The following RBFOX1 variants were observed in gnomAD, a reference collection of about 807,000 sequenced individuals.
RBFOX1 encodes the protein RNA binding protein fox-1 homolog 1.
In RBFOX1, 8 loss-of-function variants were observed where a neutral mutation model predicts 57.7. The ratio of observed to expected loss-of-function variants is 0.14; its 90% CI spans 0.08 to 0.25. The LOEUF is 0.25. Ranked by LOEUF, RBFOX1 falls within the 10% of genes least tolerant of loss-of-function variation. The pLI, the probability that RBFOX1 is intolerant of heterozygous loss-of-function variation, is 1.00. For missense variants in RBFOX1, 611 were observed against 548.5 expected (o/e 1.11, Z -1.14); for synonymous variants, 326 against 222.4 (o/e 1.47, Z -4.15).
chr16:6,844,084 C>G (rs375737685), intron 3 of RBFOX1, among the ~76,000 whole-genome samples: 7 of 152,046 alleles, frequency 4.6e-5, no homozygotes, highest in African/African-American at 1.7e-4. Flanking sequence ...CCCCCAAATC[C>G]CTCTCTGTCT....
intron 4 of RBFOX1, among the ~76,000 whole-genome samples, chr16:5,994,012 G>T (rs1423610271): frequency 6.6e-6 from 1 of 152,168 alleles, no homozygotes; most frequent in East Asian, 1.9e-4. Context: ...ATGACTTGAG[G>T]AGTCCTTTCC....
chr16:5,678,095 C>T (rs1015721458), intron 3 of RBFOX1, among the ~76,000 whole-genome samples: 2 of 152,150 alleles, frequency 1.3e-5, no homozygotes, highest in South Asian at 2.1e-4. Flanking sequence ...ATTAAAAATA[C>T]CAGATACTCA....
At chr16:6,199,761 A>C (rs1022485340) in intron 1 of RBFOX1, among the ~76,000 whole-genome samples, 2 of 152,198 alleles carry the variant, frequency 1.3e-5, no homozygotes, top group Non-Finnish European at 1.5e-5. Context: ...CTTTATAGAC[A>C]GGGGCTCACA....
chr16:5,622,738 G>C (rs1024637454), intron 3 of RBFOX1, among the ~76,000 whole-genome samples: 1 of 152,206 alleles, frequency 6.6e-6, no homozygotes. Flanking sequence ...AAGGGAGACT[G>C]TGTGGCCCTC....
chr16:6,235,849 C>G (rs921533240), intron 1 of RBFOX1, among the ~76,000 whole-genome samples: 1 of 151,904 alleles, frequency 6.6e-6, no homozygotes, highest in African/African-American at 2.4e-5. Context: ...ACTCTGGGGA[C>G]TCAGGAGGAA....
At chr16:5,257,249 T>G (rs941845864) in intron 1 of RBFOX1, among the ~76,000 whole-genome samples, 1 of 152,196 alleles carries the variant, frequency 6.6e-6, no homozygotes, top group Non-Finnish European at 1.5e-5. Flanking sequence ...ACGTGAGTGA[T>G]GAGTGGAATC....
At position 6,691,312 on chromosome 16, in the gene RBFOX1, C is replaced by T. The variant is rs754022399; in HGVS notation, c.-16+36662C>T. On this transcript the variant is annotated intron_variant, in intron 3 of 15. Coordinates refer to ENST00000550418, the MANE Select transcript of RBFOX1 (RefSeq NM_018723.4). ...AGGTAGGGGGTGGCAGAGCTTTAAG[C>T]CCGTAATAAACATAACTGTTTCTTA... Among the ~76,000 whole-genome samples the T allele has an allele frequency of 3.2e-4, 48 of 152,226 alleles. 1 individual carries two copies. The highest frequency in any genetic ancestry group is 6.9e-4 in the Non-Finnish European group (47 of 68,022).
intron 4 of RBFOX1, among the ~76,000 whole-genome samples, chr16:7,215,268 G>T: frequency 6.6e-6 from 1 of 152,142 alleles, no homozygotes; most frequent in East Asian, 1.9e-4. Context: ...GGCAATTCCT[G>T]AAGGATCTAG....
chr16:7,309,810 G>A (rs2096269735), intron 4 of RBFOX1, among the ~76,000 whole-genome samples: 1 of 152,182 alleles, frequency 6.6e-6, no homozygotes, highest in African/African-American at 2.4e-5. Context: ...TAAGGGGGTT[G>A]GGTGATGAGC....
At chr16:6,366,633 G>C (rs996856566) in intron 2 of RBFOX1, among the ~76,000 whole-genome samples, 3 of 152,148 alleles carry the variant, frequency 2.0e-5, no homozygotes, top group African/African-American at 7.2e-5. Context: ...CATGTGCCAG[G>C]TTCTTCTGCA....
At chr16:5,483,859 C>T (rs898345018) in intron 2 of RBFOX1, among the ~76,000 whole-genome samples, 1 of 152,182 alleles carries the variant, frequency 6.6e-6, no homozygotes, top group Non-Finnish European at 1.5e-5. Flanking sequence ...TCAAGAATCT[C>T]TCACAGGCTG....
In RBFOX1 at chr16:5,946,969, A is replaced by G. The variant is rs1309707276; in HGVS notation, c.351+79634A>G. Among the ~76,000 whole-genome samples, 2 of 152,144 alleles carry G rather than the reference A, an allele frequency of 1.3e-5. No homozygotes were observed. Among genetic ancestry groups the G allele is most frequent in the Non-Finnish European group, 2.9e-5 (2 of 68,008 alleles). On this transcript the variant is annotated intron_variant, in intron 4 of 19. Coordinates refer to the RBFOX1 transcript ENST00000641259. The surrounding 1 kb of genome is among the most constrained non-coding windows in gnomAD (Gnocchi z 4.6). ...GCTCACAGCCGTAATCCTAGCACTTAGGGAGGCAGAAGTAGGAGGATTGCT... is the reference window on the plus strand; with the variant it reads ...GCTCACAGCCGTAATCCTAGCACTTGGGGAGGCAGAAGTAGGAGGATTGCT...
intron 3 of RBFOX1, among the ~76,000 whole-genome samples, chr16:6,864,513 A>G (rs1197689632): frequency 1.3e-5 from 2 of 151,782 alleles, no homozygotes; most frequent in African/African-American, 4.8e-5. Context: ...TTAATTAAAA[A>G]TTTAGTTTTA....
At chr16:5,965,997 C>G (rs1017252104) in intron 4 of RBFOX1, among the ~76,000 whole-genome samples, 2 of 152,146 alleles carry the variant, frequency 1.3e-5, no homozygotes, top group South Asian at 2.1e-4. Flanking sequence ...CTTGCTGCCC[C>G]CAACAGTTTC....
chr16:5,401,193 T>G (rs1454216896), intron 1 of RBFOX1, among the ~76,000 whole-genome samples: 2 of 152,222 alleles, frequency 1.3e-5, no homozygotes, highest in African/African-American at 4.8e-5. Context: ...TTCTGCAAAT[T>G]TTTATAGTCA....
intron 3 of RBFOX1, among the ~76,000 whole-genome samples, chr16:5,717,574 T>G (rs1041043072): frequency 2.6e-5 from 4 of 152,148 alleles, no homozygotes; most frequent in Admixed American, 1.3e-4. Flanking sequence ...ATAGCTTAGC[T>G]CCCACTTATA....
intron 4 of RBFOX1, among the ~76,000 whole-genome samples, chr16:5,881,841 A>T (rs1331489962): frequency 1.3e-5 from 2 of 152,216 alleles, no homozygotes; most frequent in Non-Finnish European, 2.9e-5. Context: ...GATGGTTAAC[A>T]TTTATAAATA....
intron 3 of RBFOX1, among the ~76,000 whole-genome samples, chr16:6,811,313 T>C (rs1054442440): frequency 6.6e-6 from 1 of 152,328 alleles, no homozygotes; most frequent in East Asian, 1.9e-4. Context: ...TAAAATAGAA[T>C]TGAACCCAGT....
intron 3 of RBFOX1, among the ~76,000 whole-genome samples, chr16:7,011,640 A>G (rs1014397701): frequency 6.6e-6 from 1 of 152,166 alleles, no homozygotes; most frequent in Non-Finnish European, 1.5e-5. Context: ...CAGCCTTCAA[A>G]GTACCTGGGA....
Sources: gnomAD v4.1 joint callset for allele counts (sites outside exome capture counted in the v4.1 genomes callset) on GRCh38, gnomAD v4.1.1 for gene constraint, Gnocchi (gnomAD v3.1) non-coding constraint, MANE v1.5 for transcripts, NCBI Gene and HGNC (gene_info 2026-07-23, HGNC 2026-07-21) for gene names.